CERKL: variants seen among roughly 807,000 people sequenced by gnomAD.
CERKL encodes CERK like autophagy regulator, also known as ceramide kinase-like protein.
In CERKL, 61 loss-of-function variants were observed where a neutral mutation model predicts 63.4. The ratio of observed to expected loss-of-function variants is 0.96; its 90% confidence interval spans 0.78 to 1.19. CERKL has a LOEUF of 1.19. CERKL is among the 50% of genes most tolerant of loss of function. CERKL has a pLI of 0.00. For synonymous variants in CERKL, 250 were observed against 230.5 expected (o/e 1.08, Z -0.77); for missense variants, 675 against 655.5 (o/e 1.03, Z -0.33).
chr2:181,599,502 A>G (rs903397282), intron 2 of CERKL, among the ~76,000 whole-genome samples: 4 of 151,728 alleles, frequency 2.6e-5, no homozygotes, highest in Non-Finnish European at 4.4e-5. Context: ...ATGCCACTGC[A>G]CTCCAGCCTA....
chr2:181,609,256 C>A (rs1010159293), intron 1 of CERKL, among the ~76,000 whole-genome samples: 2 of 114,114 alleles, frequency 1.8e-5, no homozygotes, highest in South Asian at 3.6e-4. Context: ...TCCCTCCCCC[C>A]TCCCCCCACC....
intron 10 of CERKL, among the ~76,000 whole-genome samples, chr2:181,545,469 C>T (rs548814763): frequency 6.6e-6 from 1 of 152,256 alleles, no homozygotes; most frequent in South Asian, 2.1e-4. Context: ...GAAATACATA[C>T]AAATGACTTC....
chr2:181,579,383 T>C (rs1684401912), intron 2 of CERKL, among the ~76,000 whole-genome samples: 1 of 151,966 alleles, frequency 6.6e-6, no homozygotes, highest in Non-Finnish European at 1.5e-5. Context: ...CATTTCTCTT[T>C]TCATGAGAGG....
At chr2:181,593,391 G>A (rs1685067109) in intron 2 of CERKL, among the ~76,000 whole-genome samples, 1 of 152,134 alleles carries the variant, frequency 6.6e-6, no homozygotes, top group Admixed American at 6.6e-5. Context: ...GTGGTAAACA[G>A]TTTAAAGAGC....
At chr2:181,654,996 A>T (rs1688097882) in intron 1 of CERKL, among the ~76,000 whole-genome samples, 1 of 152,192 alleles carries the variant, frequency 6.6e-6, no homozygotes, top group Non-Finnish European at 1.5e-5. Flanking sequence ...AAACAGAAGT[A>T]CTTACTAAGG....
intron 2 of CERKL, among the ~76,000 whole-genome samples, chr2:181,600,196 C>T (rs1295835085): frequency 1.3e-5 from 2 of 152,206 alleles, no homozygotes; most frequent in African/African-American, 4.8e-5. Context: ...ACAAGAAATA[C>T]TCCAAGGAGT....
intron 5 of CERKL, among the ~76,000 whole-genome samples, chr2:181,556,292 T>G (rs946216488): frequency 2.0e-5 from 3 of 152,026 alleles, no homozygotes; most frequent in Non-Finnish European, 4.4e-5. Context: ...GTGCACAATG[T>G]GCAGGTTTGT....
chr2:181,556,012 A>G lies in CERKL; in HGVS notation c.820+2554T>C, dbSNP rs990294494. Among the ~76,000 whole-genome samples, 5 of 152,068 alleles carry G rather than the reference A, an allele frequency of 3.3e-5. No individual in the cohort carries two copies. In the East Asian group the frequency reaches 9.7e-4, roughly 29 times the overall value. On this transcript the variant is annotated intron_variant, in intron 5 of 12. Coordinates refer to ENST00000410087, the MANE Select transcript of CERKL (RefSeq NM_201548.5). ...AGGTGATCCACTACCTCGGCCTCCC[A>G]AAGTGCTGGGATTACAGGTATAAGC...
chr2:181,548,288 G>A, intron 8 of CERKL: 2 of 541,830 alleles, frequency 3.7e-6, no homozygotes, highest in South Asian at 4.9e-5. Context: ...AAAGAAAGGG[G>A]AAGGGAAGGG....
chr2:181,625,534 C>T (rs1197792367), intron 1 of CERKL, among the ~76,000 whole-genome samples: 1 of 152,074 alleles, frequency 6.6e-6, no homozygotes, highest in Non-Finnish European at 1.5e-5. Context: ...GCAAGTATAC[C>T]TCATTATCAA....
At chr2:181,569,835 C>G (rs1293444348) in intron 3 of CERKL, among the ~76,000 whole-genome samples, 1 of 152,140 alleles carries the variant, frequency 6.6e-6, no homozygotes, top group Non-Finnish European at 1.5e-5. Context: ...CATATTACTA[C>G]AAGAGATAAC....
chr2:181,607,561 A>G (rs532801383), intron 1 of CERKL, among the ~76,000 whole-genome samples: 1 of 152,362 alleles, frequency 6.6e-6, no homozygotes, highest in East Asian at 1.9e-4. Context: ...AAAGCTGGAT[A>G]GTATATGCAA....
At chr2:181,578,154 C>T (rs1287418767) in intron 2 of CERKL, among the ~76,000 whole-genome samples, 1 of 151,928 alleles carries the variant, frequency 6.6e-6, no homozygotes, top group Non-Finnish European at 1.5e-5. Context: ...CTTTGAGAAT[C>T]CTTCTAGAAA....
At chr2:181,555,784 G>A (rs1003496917) in intron 5 of CERKL, among the ~76,000 whole-genome samples, 4 of 134,882 alleles carry the variant, frequency 3.0e-5, no homozygotes, top group South Asian at 2.3e-4. Flanking sequence ...AGACAGCCTC[G>A]CTCTGTCGCC....
intron 11 of CERKL, among the ~76,000 whole-genome samples, chr2:181,541,871 G>A (rs1687520311): frequency 6.6e-6 from 1 of 152,174 alleles, no homozygotes. Flanking sequence ...CAACTTTAGG[G>A]GAAAAGATAA....
chr2:181,548,606 T>G lies in CERKL; in HGVS notation c.1074-2A>C. On this transcript the variant is annotated splice_acceptor_variant, in intron 7 of 12. Transcript: ENST00000410087. LOFTEE classifies it high-confidence loss of function. Reference sequence around the variant, plus strand: ...AATGATATTTCACAGTCTTCTGCCCTAAAATGTAATGAAATTTGTTATTAA... The same window carrying G: ...AATGATATTTCACAGTCTTCTGCCCGAAAATGTAATGAAATTTGTTATTAA... 1.2e-6 allele frequency: 2 copies of G among 1,613,222 alleles called. No individual in the cohort carries two copies. Among genetic ancestry groups the G allele is most frequent in the African/African-American group, 1.3e-5 (1 of 75,024 alleles).
At chr2:181,620,618 A>G (rs1686407371) in intron 1 of CERKL, among the ~76,000 whole-genome samples, 1 of 152,146 alleles carries the variant, frequency 6.6e-6, no homozygotes, top group South Asian at 2.1e-4. Flanking sequence ...AGTAATTGTT[A>G]TTTTTACTTG....
chr2:181,654,938 C>T (rs1455914273), intron 1 of CERKL, among the ~76,000 whole-genome samples: 2 of 152,152 alleles, frequency 1.3e-5, no homozygotes, highest in Non-Finnish European at 2.9e-5. Flanking sequence ...GGACACACCA[C>T]GCCTGGCTAT....
chr2:181,644,554 A>C (rs1251802958), intron 1 of CERKL, among the ~76,000 whole-genome samples: 3 of 152,226 alleles, frequency 2.0e-5, no homozygotes, highest in African/African-American at 7.2e-5. Flanking sequence ...AGCCCTGCTC[A>C]GTATTTTCTA....
Sources: allele counts gnomAD v4.1 joint callset (sites outside exome capture counted in the v4.1 genomes callset), GRCh38; gene constraint gnomAD v4.1.1; transcripts MANE v1.5; gene names NCBI Gene and HGNC (gene_info 2026-07-23, HGNC 2026-07-21).